The following AHNAK variants were observed in gnomAD, a reference collection of about 807,000 sequenced individuals.
AHNAK encodes the protein neuroblast differentiation-associated protein AHNAK.
A neutral mutation model predicts 37.8 loss-of-function variants in AHNAK; 23 were observed. The observed-to-expected ratio is 0.61, with a 90% CI of 0.44 to 0.86. The LOEUF (loss-of-function observed/expected upper bound fraction) is 0.86. Among genes scored for constraint, AHNAK ranks in the 40% least tolerant of loss-of-function variants. AHNAK has a pLI of 0.00. For missense variants in AHNAK, 7,411 were observed against 7,319.4 expected (o/e 1.01, Z -0.46); for synonymous variants, 2,481 against 2,636.3 (o/e 0.94, Z 1.80).
chr11:62,473,841 AT>A (rs1167370278), intron 5 of AHNAK, among the ~76,000 whole-genome samples: 5 of 152,066 alleles, frequency 3.3e-5, no homozygotes, highest in Non-Finnish European at 7.4e-5. Flanking sequence ...TACAAAAAAA[AT>A]AAACAAAATT....
chr11:62,481,816 C>T (rs766580607), intron 5 of AHNAK, among the ~76,000 whole-genome samples: 4 of 152,112 alleles, frequency 2.6e-5, no homozygotes, highest in Non-Finnish European at 2.9e-5. Flanking sequence ...CGACCCACCT[C>T]GGCCTCCCAA....
intron 5 of AHNAK, among the ~76,000 whole-genome samples, chr11:62,483,353 CAG>C (rs562085985): frequency 9.0e-4 from 137 of 152,328 alleles, no homozygotes; most frequent in Admixed American, 1.6e-3. Flanking sequence ...CTGGTGGAAA[CAG>C]AGGATCACTA....
Position 62,491,827 on chromosome 11 carries a change from G to A in AHNAK, c.347C>T (p.Thr116Ile), listed in dbSNP as rs1191260515. Reference sequence around the variant, plus strand: ...GCATTCCAGTGCTGATGGCTGTGGTGTGTTCTAACAAGGATAAAGATTATC... The same window carrying A: ...GCATTCCAGTGCTGATGGCTGTGGTATGTTCTAACAAGGATAAAGATTATC... Residue 116 changes from threonine to isoleucine, a missense_variant, in exon 5 of 6, where the codon ACA becomes ATA. By Grantham distance (89) the Thr-to-Ile change is moderately conservative. Transcript: ENST00000257247. 3 of 1,610,752 alleles carry A rather than the reference G, an allele frequency of 1.9e-6. No individual in the cohort carries two copies. The South Asian group carries it at 3.3e-5, about 18-fold the overall frequency.
intron 5 of AHNAK, among the ~76,000 whole-genome samples, chr11:62,461,853 A>T (rs1170799020): frequency 6.6e-6 from 1 of 151,418 alleles, no homozygotes; most frequent in Non-Finnish European, 1.5e-5. Context: ...AACCTTCCAC[A>T]GGATAGTTCA....
intron 5 of AHNAK, among the ~76,000 whole-genome samples, chr11:62,437,455 A>G (rs1250579437): frequency 6.6e-6 from 1 of 152,212 alleles, no homozygotes; most frequent in Non-Finnish European, 1.5e-5. Flanking sequence ...CCTGGGTTCA[A>G]GTGATTCTCC....
Position 62,531,503 on chromosome 11 carries a change from C to T in AHNAK, c.2914G>A (p.Glu972Lys), listed in dbSNP as rs780313589. ...ACTTTTGGGCCTTTCAGGTCCCCTT[C>T]CAGCTTTGGCACTGTCATATCATAT... ...GEYDMTVPKL[E>K]GDLKGPKVDV... Residue 972 changes from glutamate to lysine, a missense_variant, in exon 5 of 5, where the codon GAA becomes AAA. Physicochemically the swap from Glu to Lys is moderately conservative, Grantham distance 56. Coordinates refer to ENST00000378024, the MANE Select transcript of AHNAK (RefSeq NM_001620.3). The T allele has an allele frequency of 6.2e-7, 1 of 1,614,242 alleles. No individual in the cohort carries two copies. The highest frequency in any genetic ancestry group is 1.1e-5 in the South Asian group (1 of 91,088).
Position 62,522,283 on chromosome 11 carries a change from T to A in AHNAK, c.12134A>T (p.Asp4045Val). 2 of 1,613,522 alleles carry A rather than the reference T, an allele frequency of 1.2e-6. No homozygotes were observed. Among genetic ancestry groups the A allele is most frequent in the Non-Finnish European group, 1.7e-6 (2 of 1,179,906 alleles). ...GCCATGAACATCCACATCTGGGGCATCAATGTCCACTTTGGGGCCCTTGAT... is the reference window on the plus strand; with the variant it reads ...GCCATGAACATCCACATCTGGGGCAACAATGTCCACTTTGGGGCCCTTGAT... ...VDIKGPKVDI[D>V]APDVDVHGPD... Residue 4045 changes from aspartate (D) to valine (V), a missense_variant, in exon 5 of 5, where the codon GAT becomes GTT. By Grantham distance (152) the Asp-to-Val change is radical. Transcript: ENST00000378024.
chr11:62,481,427 A>C, intron 5 of AHNAK, among the ~76,000 whole-genome samples: 1 of 149,400 alleles, frequency 6.7e-6, no homozygotes, highest in African/African-American at 2.5e-5. Context: ...CCTTTCTTCC[A>C]TTTCCCTTGC....
At chr11:62,540,435 G>A (rs1013047554) in intron 1 of AHNAK, among the ~76,000 whole-genome samples, 1 of 152,100 alleles carries the variant, frequency 6.6e-6, no homozygotes, top group African/African-American at 2.4e-5. Context: ...TGAGAGAATG[G>A]GAGTGTGCTG....
Position 62,527,022 on chromosome 11 carries a change from G to T in AHNAK, c.7395C>A (p.Pro2465=). ...ACACATCCACATCCCCCTTGATTTTGGGTCCTTTGAGATTTAGATCAACAT... is the reference window on the plus strand; with the variant it reads ...ACACATCCACATCCCCCTTGATTTTTGGTCCTTTGAGATTTAGATCAACAT... The part of the protein sequence containing the change: ...MPDVDLNLKG[P]KIKGDVDVSV... The change falls in exon 5 of 5, where the codon CCC becomes CCA. Residue 2465 remains proline, a synonymous_variant. Coordinates refer to ENST00000378024, the MANE Select transcript of AHNAK (RefSeq NM_001620.3). 1 of 1,613,944 alleles carries T rather than the reference G, an allele frequency of 6.2e-7. No homozygotes were observed. The highest frequency in any genetic ancestry group is 1.3e-5 in the African/African-American group (1 of 75,008).
Position 62,535,177 on chromosome 11 carries a change from C to T in AHNAK, c.168G>A (p.Val56=), listed in dbSNP as rs754994531. 1 of 1,610,570 alleles carries T rather than the reference C, an allele frequency of 6.2e-7. No individual in the cohort carries two copies. The highest frequency in any genetic ancestry group is 8.5e-7 in the Non-Finnish European group (1 of 1,177,016). The part of the protein sequence containing the change: ...TGVVKEGDQI[V]GATIYFDNLQ... ...GGTTGTCAAAGTAGATGGTGGCACCCACAATCTGGTCCCCTGAGCAGGGAA... is the reference window on the plus strand; with the variant it reads ...GGTTGTCAAAGTAGATGGTGGCACCTACAATCTGGTCCCCTGAGCAGGGAA... The change falls in exon 4 of 5, where the codon GTG becomes GTA. Residue 56 remains valine, a synonymous_variant. Transcript: ENST00000378024.
chr11:62,459,567 C>A (rs1172890723), intron 5 of AHNAK, among the ~76,000 whole-genome samples: 3 of 152,160 alleles, frequency 2.0e-5, no homozygotes, highest in Non-Finnish European at 4.4e-5. Context: ...ATGAATGCCC[C>A]TCTCCTGACC....
chr11:62,533,861 T>C lies in AHNAK; in HGVS notation c.556A>G (p.Arg186Gly), dbSNP rs1343599913. 6.2e-7 allele frequency: 1 copy of C among 1,614,104 alleles called. No individual in the cohort carries two copies. The highest frequency in any genetic ancestry group is 8.5e-7 in the Non-Finnish European group (1 of 1,180,040). Residue 186 changes from arginine to glycine, a missense_variant, in exon 5 of 5, where the codon AGA (arginine) becomes GGA (glycine). By Grantham distance (125) the Arg-to-Gly change is moderately radical. Transcript: ENST00000378024. Reference sequence around the variant, plus strand: ...TTGGAGATTTCAGTCAGTTCATGTCTTGGAATCTTGATCTTGAATTCAGGG... The same window carrying C: ...TTGGAGATTTCAGTCAGTTCATGTCCTGGAATCTTGATCTTGAATTCAGGG... ...SSPEFKIKIPRHELTEISNVD... is the reference protein window; with the variant it reads ...SSPEFKIKIPGHELTEISNVD...
At chr11:62,436,753 G>A (rs1248489382) in intron 5 of AHNAK, among the ~76,000 whole-genome samples, 2 of 151,694 alleles carry the variant, frequency 1.3e-5, no homozygotes, top group African/African-American at 4.8e-5. Context: ...TGGCTAACAC[G>A]GTGAAACCCA....
At chr11:62,474,451 G>T (rs900387002) in intron 5 of AHNAK, among the ~76,000 whole-genome samples, 3 of 152,180 alleles carry the variant, frequency 2.0e-5, no homozygotes. Flanking sequence ...AAAGTGCTGG[G>T]ATTACAGGCA....
intron 5 of AHNAK, among the ~76,000 whole-genome samples, chr11:62,476,416 C>CA (rs1939147987): frequency 1.3e-5 from 2 of 152,154 alleles, no homozygotes; most frequent in Non-Finnish European, 2.9e-5. Context: ...GCAAAGGAGA[C>CA]AAGAGCCTTG....
chr11:62,523,599 T>C lies in AHNAK; in HGVS notation c.10818A>G (p.Lys3606=). Reference sequence around the variant, plus strand: ...AGCCAGGCATGCTGAACTTGGGCATTTTCACTTTGGGCATCTTCAGATGCC... The same window carrying C: ...AGCCAGGCATGCTGAACTTGGGCATCTTCACTTTGGGCATCTTCAGATGCC... ...PDWHLKMPKV[K]MPKFSMPGFK... is the part of the protein sequence containing the mutation. The change falls in exon 5 of 5, where the codon AAA becomes AAG. Residue 3606 remains lysine (K), a synonymous_variant. Transcript: ENST00000378024. The C allele has an allele frequency of 6.2e-7, 1 of 1,614,088 alleles. No individual in the cohort carries two copies. The highest frequency in any genetic ancestry group is 1.3e-5 in the African/African-American group (1 of 75,000).
intron 5 of AHNAK, among the ~76,000 whole-genome samples, chr11:62,477,180 C>T (rs568551445): frequency 3.3e-5 from 5 of 152,194 alleles, no homozygotes; most frequent in South Asian, 4.1e-4. Context: ...TCTAAGAGTT[C>T]GTCGAATCCC....
intron 5 of AHNAK, among the ~76,000 whole-genome samples, chr11:62,477,638 T>A (rs1475441558): frequency 1.3e-5 from 2 of 151,966 alleles, no homozygotes; most frequent in African/African-American, 4.8e-5. Context: ...CCCTCTGTAC[T>A]AAAAATAACA....
Sources: gnomAD v4.1 joint callset for allele counts (sites outside exome capture counted in the v4.1 genomes callset) on GRCh38, gnomAD v4.1.1 for gene constraint, MANE v1.5 for transcripts, NCBI Gene and HGNC (gene_info 2026-07-23, HGNC 2026-07-21) for gene names.